ACVR2A: variants seen among roughly 807,000 people sequenced by gnomAD.
ACVR2A encodes the protein activin A receptor type 2A.
In ACVR2A, 7 loss-of-function variants were observed where a neutral mutation model predicts 61.4. The observed-to-expected ratio is 0.11, with a 90% CI of 0.06 to 0.21. The LOEUF is 0.21. Ranked by LOEUF, ACVR2A falls within the 10% of genes least tolerant of loss-of-function variation. The pLI is 1.00. For synonymous variants in ACVR2A, 193 were observed against 208.3 expected (o/e 0.93, Z 0.63); for missense variants, 322 against 621.7 (o/e 0.52, Z 5.13).
intron 1 of ACVR2A, among the ~76,000 whole-genome samples, chr2:147,855,915 C>T (rs1276909127): frequency 3.3e-5 from 5 of 152,008 alleles, no homozygotes; most frequent in African/African-American, 1.2e-4. Context: ...CTATTTTTTT[C>T]ATAAGCTTAC....
rs1687619374 is a variant in ACVR2A at position 147,929,838 on chromosome 2, C to T, written c.*2564C>T. 1 of 152,320 alleles carries T rather than the reference C, an allele frequency of 6.6e-6. No individual in the cohort carries two copies. The highest frequency in any genetic ancestry group is 2.4e-5 in the African/African-American group (1 of 41,372). The allele number at this position is 152,320 out of a possible 1,614,324, so 9.4% of individuals were successfully genotyped here. On this transcript the variant is annotated 3_prime_UTR_variant, in exon 11 of 11. Transcript: ENST00000241416. ...GTGTATGGTGCTCCTCATGACTCGT[C>T]TTGTATTTTGCCTTTCTGATACCCA...
At chr2:147,922,501 C>T (rs1227832078) in intron 8 of ACVR2A, among the ~76,000 whole-genome samples, 1 of 152,050 alleles carries the variant, frequency 6.6e-6, no homozygotes, top group Non-Finnish European at 1.5e-5. Context: ...AAATAAAGGA[C>T]TCCAAGACAG....
Position 147,845,227 on chromosome 2 carries a change from C to T in ACVR2A, c.55+20C>T, listed in dbSNP as rs200621808. On this transcript the variant is annotated intron_variant, in intron 1 of 10. Transcript: ENST00000241416. ...CTTCAGGTAGGTGCAGGGAGCGCGGCGCGGTGGGGCTGCTCCTGCGGCCGC... is the reference window on the plus strand; with the variant it reads ...CTTCAGGTAGGTGCAGGGAGCGCGGTGCGGTGGGGCTGCTCCTGCGGCCGC... 189 of 1,608,540 alleles carry T rather than the reference C, an allele frequency of 1.2e-4. 1 individual carries two copies. The African/African-American group carries it at 2.4e-3, about 20-fold the overall frequency.
At chr2:147,910,088 A>G (rs983959738) in intron 4 of ACVR2A, among the ~76,000 whole-genome samples, 6 of 152,072 alleles carry the variant, frequency 3.9e-5, no homozygotes, top group Non-Finnish European at 8.8e-5. Context: ...GTATTTATTC[A>G]TGTACTTAAG....
intron 1 of ACVR2A, among the ~76,000 whole-genome samples, chr2:147,889,869 A>G (rs1686540315): frequency 6.6e-6 from 1 of 151,854 alleles, no homozygotes; most frequent in East Asian, 1.9e-4. Context: ...TAGTCAGTAA[A>G]CCATAAGCAG....
At chr2:147,847,380 T>G (rs777854884) in intron 1 of ACVR2A, among the ~76,000 whole-genome samples, 1 of 152,198 alleles carries the variant, frequency 6.6e-6, no homozygotes. Context: ...GATTATTATG[T>G]TTCTCCAACT....
chr2:147,853,257 A>G (rs1017461416), intron 1 of ACVR2A, among the ~76,000 whole-genome samples: 9 of 152,292 alleles, frequency 5.9e-5, no homozygotes, highest in Admixed American at 6.5e-5. Flanking sequence ...ATAACGTAAT[A>G]TTCTCTTAAA....
chr2:147,887,476 A>G (rs1573679800), intron 1 of ACVR2A, among the ~76,000 whole-genome samples: 1 of 152,346 alleles, frequency 6.6e-6, no homozygotes, highest in Non-Finnish European at 1.5e-5. Context: ...CTGGTGAAGG[A>G]CATTCCATTC....
intron 1 of ACVR2A, among the ~76,000 whole-genome samples, chr2:147,886,787 T>G (rs1295955898): frequency 5.3e-5 from 8 of 150,944 alleles, no homozygotes; most frequent in South Asian, 4.2e-4. Flanking sequence ...TTTTTTTTTT[T>G]GGGACGTTTG....
At chr2:147,892,286 G>T (rs1030365938) in intron 1 of ACVR2A, among the ~76,000 whole-genome samples, 10 of 151,586 alleles carry the variant, frequency 6.6e-5, no homozygotes, top group Admixed American at 5.9e-4. Flanking sequence ...TTTATACACG[G>T]TTGAGATGGA....
intron 4 of ACVR2A, among the ~76,000 whole-genome samples, chr2:147,909,814 A>C (rs922191349): frequency 7.2e-5 from 11 of 151,776 alleles, no homozygotes; most frequent in African/African-American, 2.7e-4. Flanking sequence ...ATTTTTAAAA[A>C]ATTTTTTTGT....
chr2:147,851,112 AT>A (rs1685435313), intron 1 of ACVR2A, among the ~76,000 whole-genome samples: 1 of 152,158 alleles, frequency 6.6e-6, no homozygotes, highest in African/African-American at 2.4e-5. Context: ...GTCCATCTGC[AT>A]AGCTGCTGGA....
At chr2:147,915,376 T>A (rs374574284) in intron 5 of ACVR2A, 42 bp downstream of exon 5, 1 of 1,605,954 alleles carries the variant, frequency 6.2e-7, no homozygotes, top group Non-Finnish European at 8.5e-7. Flanking sequence ...ACATGTTTTA[T>A]GGCTAGGTCA....
intron 4 of ACVR2A, among the ~76,000 whole-genome samples, chr2:147,912,995 A>T (rs1687154395): frequency 6.6e-6 from 1 of 151,880 alleles, no homozygotes; most frequent in South Asian, 2.1e-4. Context: ...ATCTAAGATT[A>T]TTTCTTTCTG....
At chr2:147,860,698 T>C (rs1364657) in intron 1 of ACVR2A, among the ~76,000 whole-genome samples, 131,202 of 152,162 alleles carry the variant, frequency 0.86, 57,925 homozygotes, top group East Asian at 1. Context: ...AGAACCATAG[T>C]AGACAGGTTG....
chr2:147,923,826 A>G (rs989022564), intron 9 of ACVR2A, among the ~76,000 whole-genome samples: 12 of 152,098 alleles, frequency 7.9e-5, no homozygotes, highest in Admixed American at 3.3e-4. Context: ...GTTCTAATTT[A>G]TAATTGCCTA....
chr2:147,853,318 G>T (rs1685491951), intron 1 of ACVR2A, among the ~76,000 whole-genome samples: 1 of 152,062 alleles, frequency 6.6e-6, no homozygotes, highest in Admixed American at 6.6e-5. Flanking sequence ...TCTAGTTAAA[G>T]AATTCTAAAC....
intron 3 of ACVR2A, 82 bp downstream of exon 3, chr2:147,899,649 C>T (rs1686825660): frequency 6.3e-7 from 1 of 1,580,194 alleles, no homozygotes; most frequent in Admixed American, 1.7e-5. Flanking sequence ...AATAATTTGC[C>T]CCTACCTCTT....
chr2:147,895,355 C>A (rs559417798), intron 1 of ACVR2A, among the ~76,000 whole-genome samples: 33 of 152,198 alleles, frequency 2.2e-4, no homozygotes, highest in African/African-American at 7.9e-4. Context: ...CTTACAACAC[C>A]ATATGATGCT....
Sources: allele counts gnomAD v4.1 joint callset (sites outside exome capture counted in the v4.1 genomes callset), GRCh38; gene constraint gnomAD v4.1.1; transcripts MANE v1.5; gene names NCBI Gene and HGNC (gene_info 2026-07-23, HGNC 2026-07-21).